HACE1: variants seen among roughly 807,000 people sequenced by gnomAD.
HACE1 encodes HECT domain and ankyrin repeat containing E3 ubiquitin protein ligase 1.
HACE1 carries 73 observed loss-of-function variants against 118.4 expected under a neutral mutation model. The observed-to-expected ratio is 0.62, with a 90% CI of 0.51 to 0.75. HACE1 has a LOEUF of 0.75. Among genes scored for constraint, HACE1 ranks in the 30% least tolerant of loss-of-function variants. The probability of loss-of-function intolerance (pLI) is 0.00; values close to 1 mark genes in which losing one functional copy is unlikely to be tolerated. For synonymous variants in HACE1, 368 were observed against 374.8 expected (o/e 0.98, Z 0.21); for missense variants, 749 against 1,102.2 (o/e 0.68, Z 4.54).
chr6:104,810,694 C>G lies in HACE1; in HGVS notation c.617+617G>C, dbSNP rs75571588. On this transcript the variant is annotated intron_variant, in intron 7 of 23. Transcript: ENST00000262903. ...TACACACCTACAACAATGCATGACACAGTGAGCGTTAACTAAACATTTGCC... is the reference window on the plus strand; with the variant it reads ...TACACACCTACAACAATGCATGACAGAGTGAGCGTTAACTAAACATTTGCC... 9.2e-5 allele frequency among the ~76,000 whole-genome samples: 14 copies of G among 152,114 alleles called. No individual in the cohort carries two copies. The East Asian group carries it at 2.5e-3, about 27-fold the overall frequency.
At chr6:104,826,682 T>C (rs534251812) in intron 6 of HACE1, among the ~76,000 whole-genome samples, 5 of 152,348 alleles carry the variant, frequency 3.3e-5, no homozygotes, top group Non-Finnish European at 5.9e-5. Context: ...AGGTGACTGA[T>C]AAATGATTAC....
At chr6:104,820,469 T>C (rs1224406808) in intron 6 of HACE1, among the ~76,000 whole-genome samples, 2 of 152,162 alleles carry the variant, frequency 1.3e-5, no homozygotes, top group African/African-American at 4.8e-5. Context: ...ATCCAGCATC[T>C]ATAAGGAACT....
At chr6:104,771,164 A>G (rs186716533) in intron 19 of HACE1, 29 bp downstream of exon 19, 87 of 1,516,174 alleles carry the variant, frequency 5.7e-5, no homozygotes, top group Middle Eastern at 5.1e-4. Flanking sequence ...GTTACAAACA[A>G]TGGTTAAGGT....
At chr6:104,826,129 C>G (rs1489766662) in intron 6 of HACE1, among the ~76,000 whole-genome samples, 1 of 152,198 alleles carries the variant, frequency 6.6e-6, no homozygotes, top group Non-Finnish European at 1.5e-5. Flanking sequence ...AATCTAATGC[C>G]TGATGATCTG....
chr6:104,858,317 G>A (rs1281403145), intron 1 of HACE1: 1 of 198,752 alleles, frequency 5.0e-6, no homozygotes, highest in Non-Finnish European at 1.1e-5. Flanking sequence ...AAAGGTGGAA[G>A]TTGGAAAGAA....
chr6:104,799,615 G>GT (rs760531820), intron 7 of HACE1, among the ~76,000 whole-genome samples: 5 of 152,196 alleles, frequency 3.3e-5, no homozygotes, highest in Admixed American at 6.5e-5. Flanking sequence ...GAGATGAACA[G>GT]TTACATGGCA....
chr6:104,821,543 C>A (rs1772716316), intron 6 of HACE1, among the ~76,000 whole-genome samples: 1 of 152,050 alleles, frequency 6.6e-6, no homozygotes. Context: ...GTAAATAACA[C>A]TAATATGTAC....
intron 22 of HACE1, among the ~76,000 whole-genome samples, chr6:104,736,181 C>G (rs1290108956): frequency 6.6e-6 from 1 of 151,288 alleles, no homozygotes; most frequent in East Asian, 1.9e-4. Flanking sequence ...CTGAGTATTT[C>G]TTGGCATTCA....
chr6:104,756,462 CTT>C, intron 19 of HACE1, among the ~76,000 whole-genome samples: 1 of 149,244 alleles, frequency 6.7e-6, no homozygotes, highest in Non-Finnish European at 1.5e-5. Flanking sequence ...CACACACACA[CTT>C]ATTATTAAAG....
At chr6:104,817,912 A>C (rs944303559) in intron 6 of HACE1, among the ~76,000 whole-genome samples, 1 of 152,210 alleles carries the variant, frequency 6.6e-6, no homozygotes, top group Non-Finnish European at 1.5e-5. Context: ...TAAACTGAGA[A>C]AGAGCCATGG....
chr6:104,730,387 T>A lies in HACE1; in HGVS notation c.2543A>T (p.Asn848Ile). ...TTGCAATCCACTTCCACCCATGATA[T>A]TAGCAAACCCACCATGTGGGACCCT... ...SSRVPHGGFA[N>I]IMGGSGLQNF... is the part of the protein sequence containing the mutation. Residue 848 changes from asparagine to isoleucine, a missense_variant, in exon 23 of 24, where the codon AAT becomes ATT. Coordinates refer to ENST00000262903, the MANE Select transcript of HACE1 (RefSeq NM_020771.4). 1 of 1,580,246 alleles carries A rather than the reference T, an allele frequency of 6.3e-7. No homozygotes were observed. Among genetic ancestry groups the A allele is most frequent in the Non-Finnish European group, 8.7e-7 (1 of 1,149,024 alleles).
intron 20 of HACE1, among the ~76,000 whole-genome samples, chr6:104,749,330 T>C (rs1024318987): frequency 6.6e-6 from 1 of 152,088 alleles, no homozygotes; most frequent in Admixed American, 6.6e-5. Flanking sequence ...AGCCATTAAC[T>C]GTACAGCTTA....
chr6:104,834,105 C>A (rs1774285438), intron 5 of HACE1, among the ~76,000 whole-genome samples: 1 of 151,876 alleles, frequency 6.6e-6, no homozygotes, highest in Admixed American at 6.6e-5. Flanking sequence ...GATGGTGACA[C>A]TGCACTCCTC....
chr6:104,771,801 A>G (rs931345714), intron 18 of HACE1, 124 bp downstream of exon 18: 4 of 732,768 alleles, frequency 5.5e-6, no homozygotes, highest in Middle Eastern at 2.6e-4. Flanking sequence ...GCTTACATAT[A>G]CAGATGGGCT....
chr6:104,738,041 C>G (rs1328852104), intron 22 of HACE1, among the ~76,000 whole-genome samples: 2 of 152,102 alleles, frequency 1.3e-5, no homozygotes, highest in East Asian at 1.9e-4. Context: ...CTGGGAGGCA[C>G]CCCCCAGCAG....
intron 13 of HACE1, 46 bp from the exon 14 acceptor site, chr6:104,784,219 C>A (rs1177434591): frequency 9.1e-7 from 1 of 1,095,848 alleles, no homozygotes; most frequent in South Asian, 1.2e-5. Context: ...GAATGAGTAG[C>A]ATTAAGTGAA....
At chr6:104,773,974 C>A in intron 17 of HACE1, among the ~76,000 whole-genome samples, 1 of 151,552 alleles carries the variant, frequency 6.6e-6, no homozygotes. Context: ...ATAATAATAG[C>A]ATATAATATT....
At chr6:104,737,303 A>AG (rs1775979748) in intron 22 of HACE1, among the ~76,000 whole-genome samples, 1 of 151,086 alleles carries the variant, frequency 6.6e-6, no homozygotes, top group Non-Finnish European at 1.5e-5. Context: ...AAAAAAAAAA[A>AG]AAAAGAAAAT....
At chr6:104,751,984 C>CA (rs1288125501) in intron 19 of HACE1, among the ~76,000 whole-genome samples, 1 of 148,484 alleles carries the variant, frequency 6.7e-6, no homozygotes, top group African/African-American at 2.5e-5. Flanking sequence ...AAAAAAAGAC[C>CA]AAAAAAAGGC....
Sources: gnomAD v4.1 joint callset for allele counts (sites outside exome capture counted in the v4.1 genomes callset) on GRCh38, gnomAD v4.1.1 for gene constraint, MANE v1.5 for transcripts, NCBI Gene and HGNC (gene_info 2026-07-23, HGNC 2026-07-21) for gene names.